RYR3: variants seen among roughly 807,000 people sequenced by gnomAD.
The protein encoded by RYR3 is ryanodine receptor 3, also known as brain ryanodine receptor-calcium release channel.
A neutral mutation model predicts 584.3 loss-of-function variants in RYR3; 207 were observed. That is an observed-to-expected ratio of 0.35 (90% confidence interval 0.32 to 0.40). RYR3 has a LOEUF of 0.40. RYR3 is among the 10% of genes least tolerant of loss of function. RYR3 has a pLI of 1.00. For synonymous variants in RYR3, 2,416 were observed against 2,248.5 expected (o/e 1.07, Z -2.11); for missense variants, 5,616 against 6,089.2 (o/e 0.92, Z 2.59).
chr15:33,731,560 T>C lies in RYR3; in HGVS notation c.7290T>C (p.Pro2430=). ...AVLPLLTRCA[P]LFAGTEHCTS... ...TCCCGCTCCTCACAAGATGTGCCCC[T>C]CTCTTTGCCGGAACAGAACACTGCA... The change falls in exon 48 of 104, where the codon CCT becomes CCC. Residue 2430 remains proline (P), a synonymous_variant. Transcript: ENST00000634891. The C allele has an allele frequency of 6.2e-7, 1 of 1,613,868 alleles. No homozygotes were observed.
At chr15:33,383,151 A>G (rs2041322008) in intron 1 of RYR3, among the ~76,000 whole-genome samples, 1 of 151,650 alleles carries the variant, frequency 6.6e-6, no homozygotes, top group Non-Finnish European at 1.5e-5. Flanking sequence ...CCAGACAGTA[A>G]GTGATGGGGG....
intron 1 of RYR3, among the ~76,000 whole-genome samples, chr15:33,360,182 C>G (rs2141000590): frequency 6.6e-6 from 1 of 152,226 alleles, no homozygotes; most frequent in East Asian, 1.9e-4. Flanking sequence ...AGTGCCCATT[C>G]AAATGAATCA....
At chr15:33,598,349 T>C (rs1205856108) in intron 16 of RYR3, among the ~76,000 whole-genome samples, 1 of 151,986 alleles carries the variant, frequency 6.6e-6, no homozygotes, top group Admixed American at 6.5e-5. Flanking sequence ...GATGTTAGCC[T>C]TTTAACTAAG....
chr15:33,852,901 C>G (rs545593329), intron 94 of RYR3, 144 bp from the exon 95 acceptor site: 2 of 704,914 alleles, frequency 2.8e-6, no homozygotes, highest in East Asian at 2.8e-5. Flanking sequence ...TGACTCTGAA[C>G]TTCAATCAGA....
Position 33,725,975 on chromosome 15 carries a change from C to CCCCCCCA in RYR3, c.6913-410_6913-409insCCCCCAC, listed in dbSNP as rs1215864754. On this transcript the variant is annotated intron_variant, in intron 45 of 103. Transcript: ENST00000634891. ...ACAGAGCAAGACTCCATCCCCCCCC[C>CCCCCCCA]CAAAAAAAAAAAAAAAAAAAAACAG... Among the ~76,000 whole-genome samples, 2 of 10,058 alleles carry CCCCCCCA rather than the reference C, an allele frequency of 2.0e-4. 1 individual carries two copies. Among genetic ancestry groups the CCCCCCCA allele is most frequent in the Non-Finnish European group, 5.9e-4 (2 of 3,372 alleles). The allele number at this position is 10,058 out of a possible 152,430, so 6.6% of individuals were successfully genotyped here. A position where few individuals can be genotyped will look rare whatever the true frequency, so the allele number is the denominator to read the frequency against.
chr15:33,851,138 T>TC (rs1286338252), intron 94 of RYR3: 1 of 152,226 alleles, frequency 6.6e-6, no homozygotes, highest in Non-Finnish European at 1.5e-5. Context: ...TGATCAATTT[T>TC]CCTGACAGTA....
chr15:33,847,902 C>T (rs1014615742), intron 93 of RYR3, among the ~76,000 whole-genome samples: 2 of 152,110 alleles, frequency 1.3e-5, no homozygotes, highest in African/African-American at 4.8e-5. Context: ...TGTGGCTGGC[C>T]GATCTATTCT....
intron 1 of RYR3, among the ~76,000 whole-genome samples, chr15:33,379,685 C>CTATATA (rs1234432644): frequency 1.3e-3 from 157 of 117,850 alleles, no homozygotes; most frequent in Middle Eastern, 4.5e-3. Flanking sequence ...CTCTCTCTCT[C>CTATATA]TCTATATATA....
chr15:33,823,988 G>A (rs2077243715), intron 81 of RYR3, among the ~76,000 whole-genome samples: 1 of 152,104 alleles, frequency 6.6e-6, no homozygotes. Context: ...GTGAGCTGCA[G>A]TATAATTCTT....
At chr15:33,508,536 G>A (rs2052676837) in intron 3 of RYR3, among the ~76,000 whole-genome samples, 1 of 152,180 alleles carries the variant, frequency 6.6e-6, no homozygotes, top group Non-Finnish European at 1.5e-5. Context: ...TGTAGTCCCA[G>A]CGACTCGGGA....
intron 1 of RYR3, among the ~76,000 whole-genome samples, chr15:33,345,548 A>T (rs947957197): frequency 6.6e-6 from 1 of 152,108 alleles, no homozygotes; most frequent in Admixed American, 6.5e-5. Flanking sequence ...AATTCTGCAC[A>T]GGAGTAACAG....
Position 33,543,632 on chromosome 15 carries a change from T to A in RYR3, c.657T>A (p.Leu219=). The change falls in exon 8 of 104, where the codon CTT becomes CTA. Residue 219 remains leucine, a synonymous_variant. Coordinates refer to ENST00000634891, the MANE Select transcript of RYR3 (RefSeq NM_001036.6). ...SGSSIEEGYL[L]GGHVVRLFHG... ...ATAATTCTCTTACAGGATACCTACTTGGTGGGCATGTAGTACGTCTTTTCC... is the reference window on the plus strand; with the variant it reads ...ATAATTCTCTTACAGGATACCTACTAGGTGGGCATGTAGTACGTCTTTTCC... 6.2e-7 allele frequency: 1 copy of A among 1,603,438 alleles called. No homozygotes were observed. The highest frequency in any genetic ancestry group is 8.5e-7 in the Non-Finnish European group (1 of 1,170,338).
At chr15:33,609,912 TACACA>T in intron 18 of RYR3, among the ~76,000 whole-genome samples, 1 of 152,290 alleles carries the variant, frequency 6.6e-6, no homozygotes, top group Non-Finnish European at 1.5e-5. Flanking sequence ...ATGTCAAACC[TACACA>T]CTCTTCAACT....
chr15:33,707,917 A>G (rs540983843), intron 43 of RYR3, among the ~76,000 whole-genome samples: 62 of 152,128 alleles, frequency 4.1e-4, no homozygotes, highest in Non-Finnish European at 8.2e-4. Context: ...TCACCTGCTT[A>G]CTTTTCTTCA....
rs143303473 is a variant in RYR3 at position 33,667,012 on chromosome 15, T to C, written c.5620-2342T>C. On this transcript the variant is annotated intron_variant, in intron 36 of 103. Transcript: ENST00000634891. ...ACAACAAATCAGCATATGTTGTTAA[T>C]ATAATTACTGTAATTTAACCTCACA... 4.0e-3 allele frequency among the ~76,000 whole-genome samples: 602 copies of C among 152,384 alleles called. 2 individuals are homozygous for C. Among genetic ancestry groups the C allele is most frequent in the Non-Finnish European group, 6.4e-3 (436 of 68,034 alleles).
chr15:33,584,551 A>C, intron 15 of RYR3, 61 bp downstream of exon 15: 1 of 759,518 alleles, frequency 1.3e-6, no homozygotes, highest in Non-Finnish European at 2.2e-6. Flanking sequence ...TCTTTCTGTA[A>C]AAAAAGAAAA....
At chr15:33,420,793 A>T (rs2246371) in intron 1 of RYR3, among the ~76,000 whole-genome samples, 5 of 152,060 alleles carry the variant, frequency 3.3e-5, no homozygotes, top group Non-Finnish European at 7.4e-5. Flanking sequence ...TGAAATATGC[A>T]GATATGGAAG....
intron 1 of RYR3, among the ~76,000 whole-genome samples, chr15:33,380,382 T>C (rs2041093906): frequency 6.6e-6 from 1 of 152,176 alleles, no homozygotes; most frequent in Admixed American, 6.5e-5. Flanking sequence ...AAATGCCTAT[T>C]ACCCACTGCG....
intron 1 of RYR3, among the ~76,000 whole-genome samples, chr15:33,339,011 G>C (rs989374607): frequency 2.6e-5 from 4 of 152,238 alleles, no homozygotes; most frequent in African/African-American, 7.2e-5. Flanking sequence ...AAGGGAGGCA[G>C]GGAGTCAGAG....
Sources: gnomAD v4.1 joint callset for allele counts (sites outside exome capture counted in the v4.1 genomes callset) on GRCh38, gnomAD v4.1.1 for gene constraint, MANE v1.5 for transcripts, NCBI Gene and HGNC (gene_info 2026-07-23, HGNC 2026-07-21) for gene names.